SCHIP1: variants seen among roughly 807,000 people sequenced by gnomAD.
SCHIP1 encodes schwannomin-interacting protein 1.
In SCHIP1, 8 loss-of-function variants were observed where a neutral mutation model predicts 29.7. The ratio of observed to expected loss-of-function variants is 0.27; its 90% confidence interval spans 0.16 to 0.49. The LOEUF (loss-of-function observed/expected upper bound fraction) is 0.49, where lower values mean the gene tolerates loss of function less well. Among genes scored for constraint, SCHIP1 ranks in the 20% least tolerant of loss-of-function variants. The pLI is 0.99. For missense variants in SCHIP1, 193 were observed against 294.6 expected, an observed-to-expected ratio of 0.66 and a Z score of 2.52; for synonymous variants, 76 against 94.9, an observed-to-expected ratio of 0.80 and a Z score of 1.16.
At chr3:159,689,487 G>A in the SCHIP1 span, among the ~76,000 whole-genome samples, 3 of 152,300 alleles carry the variant, frequency 2.0e-5, no homozygotes, top group Admixed American at 2.0e-4. Flanking sequence ...ATCGGCTTAA[G>A]AAGTTTTGGA....
chr3:159,366,498 T>C, the SCHIP1 span, among the ~76,000 whole-genome samples: 1 of 152,200 alleles, frequency 6.6e-6, no homozygotes, highest in African/African-American at 2.4e-5. Context: ...TACAAGTTAC[T>C]TAAAACTCCC....
chr3:159,607,179 A>G, the SCHIP1 span, among the ~76,000 whole-genome samples: 3 of 152,162 alleles, frequency 2.0e-5, no homozygotes, highest in Admixed American at 2.0e-4. Context: ...TATGAATTAA[A>G]TTCTATATAC....
At chr3:159,541,209 T>C in the SCHIP1 span, among the ~76,000 whole-genome samples, 1 of 151,992 alleles carries the variant, frequency 6.6e-6, no homozygotes, top group African/African-American at 2.4e-5. Flanking sequence ...ACAGAGGACT[T>C]GGGAGTTAGA....
chr3:159,334,069 A>G, the SCHIP1 span, among the ~76,000 whole-genome samples: 29,320 of 152,134 alleles, frequency 0.19, 3,005 homozygotes, highest in Middle Eastern at 0.29. Context: ...ATCATGTTTT[A>G]TGGGGAAAAG....
chr3:159,710,452 G>A, the SCHIP1 span, among the ~76,000 whole-genome samples: 1 of 152,080 alleles, frequency 6.6e-6, no homozygotes, highest in African/African-American at 2.4e-5. Context: ...GTTAGATGGA[G>A]GGACAAGTTC....
the SCHIP1 span, among the ~76,000 whole-genome samples, chr3:159,370,463 C>T: frequency 3.3e-5 from 5 of 152,244 alleles, no homozygotes; most frequent in Non-Finnish European, 5.9e-5. Flanking sequence ...ACATACTATA[C>T]ATTTTACAGG....
chr3:159,364,823 C>A, the SCHIP1 span, among the ~76,000 whole-genome samples: 1 of 152,152 alleles, frequency 6.6e-6, no homozygotes. Flanking sequence ...CCTTTCCCTT[C>A]AGGATGGAAT....
At chr3:159,432,286 ATGTGTGTGTGTGTGTGTGTG>A in the SCHIP1 span, among the ~76,000 whole-genome samples, 107 of 108,146 alleles carry the variant, frequency 9.9e-4, no homozygotes, top group African/African-American at 3.5e-3. Context: ...AGAGTAGGTG[ATGTGTGTGTGTGTGTGTGTG>A]TGTGTGTGTG....
the SCHIP1 span, among the ~76,000 whole-genome samples, chr3:159,347,528 G>A: frequency 3.3e-5 from 5 of 152,200 alleles, no homozygotes; most frequent in Non-Finnish European, 5.9e-5. Context: ...TGGTCAGAAT[G>A]TGAAATACTT....
the SCHIP1 span, among the ~76,000 whole-genome samples, chr3:159,645,561 C>T: frequency 6.6e-6 from 1 of 152,140 alleles, no homozygotes; most frequent in Non-Finnish European, 1.5e-5. Flanking sequence ...CACATTCTAC[C>T]TCTACCAGGC....
chr3:159,694,203 G>A, the SCHIP1 span, among the ~76,000 whole-genome samples: 1 of 151,398 alleles, frequency 6.6e-6, no homozygotes, highest in Non-Finnish European at 1.5e-5. Flanking sequence ...TAGAGATTGT[G>A]GGCCAGGTGC....
At chr3:159,718,616 T>C in the SCHIP1 span, among the ~76,000 whole-genome samples, 1 of 152,100 alleles carries the variant, frequency 6.6e-6, no homozygotes, top group South Asian at 2.1e-4. Flanking sequence ...AAATCATGAG[T>C]GAACTCCCAT....
At chr3:159,633,030 G>A in the SCHIP1 span, among the ~76,000 whole-genome samples, 1 of 152,122 alleles carries the variant, frequency 6.6e-6, no homozygotes, top group Non-Finnish European at 1.5e-5. Flanking sequence ...CCTTCTCCTA[G>A]GTCTGAGAAA....
At chr3:159,783,850 A>G in the SCHIP1 span, among the ~76,000 whole-genome samples, 1 of 152,130 alleles carries the variant, frequency 6.6e-6, no homozygotes, top group Non-Finnish European at 1.5e-5. Context: ...CTTTTTCCTG[A>G]TGAGTTATTT....
the SCHIP1 span, among the ~76,000 whole-genome samples, chr3:159,563,484 A>G: frequency 6.6e-6 from 1 of 152,110 alleles, no homozygotes; most frequent in African/African-American, 2.4e-5. Context: ...AAATTTATGT[A>G]TAAATACAGG....
the SCHIP1 span, among the ~76,000 whole-genome samples, chr3:159,778,404 G>T: frequency 6.6e-6 from 1 of 152,102 alleles, no homozygotes; most frequent in African/African-American, 2.4e-5. Flanking sequence ...TCCTTCAGCA[G>T]CTTCCCCTTA....
chr3:159,703,503 C>T, the SCHIP1 span, among the ~76,000 whole-genome samples: 1 of 151,982 alleles, frequency 6.6e-6, no homozygotes, highest in Non-Finnish European at 1.5e-5. Flanking sequence ...CAGAATTGAA[C>T]TAGAGGTCCC....
chr3:159,547,824 A>G, the SCHIP1 span, among the ~76,000 whole-genome samples: 1 of 152,176 alleles, frequency 6.6e-6, no homozygotes, highest in Non-Finnish European at 1.5e-5. Context: ...CTTGTAGTAT[A>G]GTTTGAAGTC....
chr3:159,784,302 G>T, the SCHIP1 span, among the ~76,000 whole-genome samples: 1 of 152,232 alleles, frequency 6.6e-6, no homozygotes. Flanking sequence ...CAGAAAGAAT[G>T]AAAGAGAGAA....
Sources: gnomAD v4.1 joint callset for allele counts (sites outside exome capture counted in the v4.1 genomes callset) on GRCh38, gnomAD v4.1.1 for gene constraint, MANE v1.5 for transcripts, NCBI Gene and HGNC (gene_info 2026-07-23, HGNC 2026-07-21) for gene names.